The following ZNF490 variants were observed in gnomAD, a reference collection of about 807,000 sequenced individuals.
ZNF490 encodes the protein zinc finger protein 490.
Under a neutral mutation model 17.7 loss-of-function variants are expected in ZNF490, and 11 were observed. The observed-to-expected ratio is 0.62, with a 90% CI of 0.39 to 1.03. The LOEUF is 1.03. Among genes scored for constraint, ZNF490 ranks in the 50% least tolerant of loss-of-function variants. The pLI is 0.00. For synonymous variants in ZNF490, 222 were observed against 216.1 expected (o/e 1.03, Z -0.24); for missense variants, 542 against 643.4 (o/e 0.84, Z 1.71).
At chr19:12,582,346 C>A (rs899091138) in intron 4 of ZNF490, among the ~76,000 whole-genome samples, 3 of 152,044 alleles carry the variant, frequency 2.0e-5, no homozygotes, top group Non-Finnish European at 4.4e-5. Flanking sequence ...CCAGCCTTCA[C>A]CTACCAAAGG....
intron 2 of ZNF490, among the ~76,000 whole-genome samples, chr19:12,601,702 A>G (rs2145162799): frequency 6.6e-6 from 1 of 152,240 alleles, no homozygotes; most frequent in East Asian, 1.9e-4. Context: ...TTATGAAAAT[A>G]ATATTCTAGG....
chr19:12,603,693 G>A (rs1261352389), intron 2 of ZNF490, among the ~76,000 whole-genome samples: 3 of 151,690 alleles, frequency 2.0e-5, no homozygotes, highest in African/African-American at 7.3e-5. Context: ...TCAGGAGGCT[G>A]TGGTGGGATC....
chr19:12,607,644 G>A (rs1382582239), intron 2 of ZNF490, among the ~76,000 whole-genome samples: 1 of 151,828 alleles, frequency 6.6e-6, no homozygotes, highest in African/African-American at 2.4e-5. Context: ...ACTCACACCT[G>A]TAATCCCTGC....
At position 12,577,425 on chromosome 19, in the gene ZNF490, A is replaced by C; in HGVS notation, c.*3060T>G. 1.0e-6 allele frequency: 1 copy of C among 985,342 alleles called. No individual in the cohort carries two copies. The highest frequency in any genetic ancestry group is 1.2e-6 in the Non-Finnish European group (1 of 829,818). The allele number at this position is 985,342 out of a possible 1,614,324, so 61.0% of individuals were successfully genotyped here. On this transcript the variant is annotated 3_prime_UTR_variant, in exon 5 of 5. Transcript: ENST00000311437. ...CACAGTACAATAATCATCTCTCTAC[A>C]AAAGCACAACATGGCAGCTCAAGAA... is the stretch of plus-strand genomic sequence containing the variant.
chr19:12,583,003 A>C lies in ZNF490; in HGVS notation c.290-93T>G, dbSNP rs569590516. 4 of 1,037,448 alleles carry C rather than the reference A, an allele frequency of 3.9e-6. No individual in the cohort carries two copies. In the South Asian group the frequency reaches 5.7e-5, roughly 15 times the overall value. 64.3% of individuals were successfully genotyped at this position (1,037,448 alleles called of 1,614,324 possible). ...ATCCATGATTAGCTATTGATTAGCT[A>C]TGACACTGTCTGATCTACTTACTAA... On this transcript the variant is annotated intron_variant, in intron 3 of 4. Transcript: ENST00000311437.
intron 2 of ZNF490, among the ~76,000 whole-genome samples, chr19:12,601,114 T>C (rs2099076): frequency 0.59 from 88,197 of 150,490 alleles, 27,019 homozygotes; most frequent in Non-Finnish European, 0.69. Context: ...AAAGGCCAGG[T>C]GCGTTGGCTT....
intron 2 of ZNF490, among the ~76,000 whole-genome samples, chr19:12,604,208 C>A (rs1022875308): frequency 1.3e-5 from 2 of 152,202 alleles, no homozygotes; most frequent in East Asian, 3.8e-4. Context: ...GCTGTTCATT[C>A]GTATCATTTA....
intron 2 of ZNF490, among the ~76,000 whole-genome samples, chr19:12,598,279 A>C (rs1476616153): frequency 6.6e-6 from 1 of 152,134 alleles, no homozygotes; most frequent in Admixed American, 6.6e-5. Context: ...TCAGGATTTT[A>C]AGAAAAAGTG....
rs2022680685 is a variant in ZNF490, at chr19:12,578,914, A to G, written c.*1571T>C. On this transcript the variant is annotated 3_prime_UTR_variant, in exon 5 of 5. Transcript: ENST00000311437. Reference sequence around the variant, plus strand: ...CATTGAAGATGTTCCCATATTGCTTACATTTAAGAAGGTGGCTCTCCAGTG... The same window carrying G: ...CATTGAAGATGTTCCCATATTGCTTGCATTTAAGAAGGTGGCTCTCCAGTG... 1.0e-6 allele frequency: 1 copy of G among 985,448 alleles called. No homozygotes were observed. The highest frequency in any genetic ancestry group is 5.2e-4 in the Middle Eastern group (1 of 1,914). 61.0% of individuals were successfully genotyped at this position (985,448 alleles called of 1,614,324 possible). A position where few individuals can be genotyped will look rare whatever the true frequency, so the allele number is the denominator to read the frequency against.
chr19:12,580,972 C>T lies in ZNF490; in HGVS notation c.1103G>A (p.Gly368Glu). Residue 368 changes from glycine (G) to glutamate (E), a missense_variant, in exon 5 of 5, where the codon GGG becomes GAG. Physicochemically the swap from Gly to Glu is moderately conservative, Grantham distance 98 (BLOSUM62 -2). Transcript: ENST00000311437. ...GGAACTAGATGACTTGAAGGCTTCCCCACATTTCTTACATGTATAAGGTTG... is the reference window on the plus strand; with the variant it reads ...GGAACTAGATGACTTGAAGGCTTCCTCACATTTCTTACATGTATAAGGTTG... ...GVQPYTCKKC[G>E]EAFKSSSSCE... 6.2e-7 allele frequency: 1 copy of T among 1,614,186 alleles called. No individual in the cohort carries two copies. The highest frequency in any genetic ancestry group is 8.5e-7 in the Non-Finnish European group (1 of 1,180,026).
Position 12,576,114 on chromosome 19 carries a change from A to G in ZNF490, c.*4371T>C, listed in dbSNP as rs990627520. ...TCAATAAAATCTTTGATGGTGAAAA[A>G]CCATATTTTTAATATCTAATATCAG... is the stretch of plus-strand genomic sequence containing the variant. On this transcript the variant is annotated 3_prime_UTR_variant, in exon 5 of 5. Transcript: ENST00000311437. Among the ~76,000 whole-genome samples the G allele has an allele frequency of 6.6e-6, 1 of 152,152 alleles. No homozygotes were observed. The highest frequency in any genetic ancestry group is 2.4e-5 in the African/African-American group (1 of 41,410).
rs112003932 is a variant in ZNF490, at chr19:12,610,793, C to A, written c.-113G>T. 74 of 1,119,974 alleles carry A rather than the reference C, an allele frequency of 6.6e-5. 2 individuals are homozygous for A. The highest frequency in any genetic ancestry group is 6.3e-4 in the Middle Eastern group (3 of 4,746). The allele number at this position is 1,119,974 out of a possible 1,614,324, so 69.4% of individuals were successfully genotyped here. On this transcript the variant is annotated 5_prime_UTR_variant, in exon 1 of 5. Coordinates refer to ENST00000311437, the MANE Select transcript of ZNF490 (RefSeq NM_020714.3). ...ACGGAGGGCACCAGTTCCGTCCCAC[C>A]GGCGGAAGCGAGATCTGCCTAGCTA...
rs762612959 is a variant in ZNF490, at chr19:12,581,576, G to C, written c.499C>G (p.His167Asp). The C allele has an allele frequency of 1.9e-6, 3 of 1,614,148 alleles. No individual in the cohort carries two copies. The highest frequency in any genetic ancestry group is 2.2e-5 in the South Asian group (2 of 91,082). The change falls in exon 5 of 5, where the codon CAT becomes GAT. Residue 167 changes from histidine (H) to aspartate (D), a missense_variant. Physicochemically the swap from His to Asp is moderately conservative, Grantham distance 81. Coordinates refer to ENST00000311437, the MANE Select transcript of ZNF490 (RefSeq NM_020714.3). Reference protein sequence around the residue: ...DCSVCGEVFMHQVSLNRHMRS... With the variant: ...DCSVCGEVFMDQVSLNRHMRS... ...ATGTGCCTATTAAGGGAGACCTGATGCATGAAGACTTCCCCACACACACTG... is the reference window on the plus strand; with the variant it reads ...ATGTGCCTATTAAGGGAGACCTGATCCATGAAGACTTCCCCACACACACTG...
In ZNF490 at chr19:12,580,774, C is replaced by G. The variant is rs749817479; in HGVS notation, c.1301G>C (p.Arg434Pro). ...TCTAGTATGGGTTCTTTCATGGATT[C>G]GAAAGTGAGTGGAATAAAGAAAGGC... ...GKAFLYSTHF[R>P]IHERTHTREK... Residue 434 changes from arginine (R) to proline (P), a missense_variant, in exon 5 of 5, where the codon CGA becomes CCA. Arg to Pro is a moderately radical substitution (Grantham distance 103, BLOSUM62 -2). Transcript: ENST00000311437. The G allele has an allele frequency of 6.2e-7, 1 of 1,614,024 alleles. No homozygotes were observed. Among genetic ancestry groups the G allele is most frequent in the Non-Finnish European group, 8.5e-7 (1 of 1,180,020 alleles).
Position 12,610,594 on chromosome 19 carries a change from GC to G in ZNF490, c.86del (p.Arg29ProfsTer36). On this transcript the variant is annotated frameshift_variant, in exon 1 of 5. Coordinates refer to ENST00000311437, the MANE Select transcript of ZNF490 (RefSeq NM_020714.3). LOFTEE classifies it high-confidence loss of function. ...GGACATCAGACCCTCCTGTTCCTGT[GC>G]GGCCTTGACTAGACGACCACTTGCT... is the stretch of plus-strand genomic sequence containing the variant. Reference protein sequence around the residue: ...VQSKWSSSQGRTGTGGSDVLQ... With the variant: ...VQSKWSSSQGXTGTGGSDVLQ... 1 of 1,613,962 alleles carries G rather than the reference GC, an allele frequency of 6.2e-7. No individual in the cohort carries two copies. Among genetic ancestry groups the G allele is most frequent in the South Asian group, 1.1e-5 (1 of 91,070 alleles).
chr19:12,608,556 C>T (rs2023101443), intron 2 of ZNF490, among the ~76,000 whole-genome samples: 1 of 152,090 alleles, frequency 6.6e-6, no homozygotes, highest in Non-Finnish European at 1.5e-5. Context: ...CTGCAACCTC[C>T]TCCTCCCAGA....
rs139681331 is a variant in ZNF490, at chr19:12,581,042, A to C, written c.1033T>G (p.Ser345Ala). Residue 345 changes from serine to alanine, a missense_variant, in exon 5 of 5, where the codon TCT becomes GCT. Transcript: ENST00000311437. Reference protein sequence around the residue: ...VCRECGRAFFSHSSLRKHVKT... With the variant: ...VCRECGRAFFAHSSLRKHVKT... Reference sequence around the variant, plus strand: ...ACGTGTTTTCGAAGGCTTGAGTGAGAAAAGAAGGCTCTCCCACATTCCCTA... The same window carrying C: ...ACGTGTTTTCGAAGGCTTGAGTGAGCAAAGAAGGCTCTCCCACATTCCCTA... 1 of 1,613,852 alleles carries C rather than the reference A, an allele frequency of 6.2e-7. No individual in the cohort carries two copies. Among genetic ancestry groups the C allele is most frequent in the Non-Finnish European group, 8.5e-7 (1 of 1,179,938 alleles).
At chr19:12,594,120 C>A (rs1412094790) in intron 2 of ZNF490, among the ~76,000 whole-genome samples, 1 of 152,024 alleles carries the variant, frequency 6.6e-6, no homozygotes, top group Non-Finnish European at 1.5e-5. Context: ...GCCCTATGGA[C>A]AACTTATGGT....
chr19:12,589,762 T>C (rs2022845113), intron 2 of ZNF490, among the ~76,000 whole-genome samples: 1 of 152,020 alleles, frequency 6.6e-6, no homozygotes, highest in Admixed American at 6.6e-5. Context: ...CTTGAGAAAG[T>C]ACATACAAGA....
Sources: gnomAD v4.1 joint callset for allele counts (sites outside exome capture counted in the v4.1 genomes callset) on GRCh38, gnomAD v4.1.1 for gene constraint, MANE v1.5 for transcripts, NCBI Gene and HGNC (gene_info 2026-07-23, HGNC 2026-07-21) for gene names.